UGT1A8: variants seen among roughly 807,000 people sequenced by gnomAD.
UGT1A8 encodes UDP glucuronosyltransferase family 1 member A8.
Under a neutral mutation model 45.3 loss-of-function variants are expected in UGT1A8, and 39 were observed. That is an observed-to-expected ratio of 0.86 (90% CI 0.67 to 1.12). The LOEUF (loss-of-function observed/expected upper bound fraction) is 1.12, where lower values mean the gene tolerates loss of function less well. UGT1A8 is among the 50% of genes most tolerant of loss of function. UGT1A8 has a pLI of 0.00. For missense variants in UGT1A8, 719 were observed against 664.9 expected (o/e 1.08, Z -0.90); for synonymous variants, 275 against 249.2 (o/e 1.10, Z -0.97).
At chr2:233,724,847 C>A (rs1352664169) in intron 1 of UGT1A8, among the ~76,000 whole-genome samples, 1 of 131,490 alleles carries the variant, frequency 7.6e-6, no homozygotes, top group African/African-American at 3.2e-5. Context: ...CCAAGGCAGG[C>A]GGCTGGGAGG....
chr2:233,759,150 A>G (rs1697070072), intron 1 of UGT1A8, among the ~76,000 whole-genome samples: 1 of 152,238 alleles, frequency 6.6e-6, no homozygotes. Flanking sequence ...GGTGAGTTCC[A>G]CAGAACACAA....
chr2:233,658,268 C>T (rs925501453), intron 1 of UGT1A8, among the ~76,000 whole-genome samples: 2 of 152,164 alleles, frequency 1.3e-5, no homozygotes, highest in African/African-American at 4.8e-5. Context: ...ACCCACGGAC[C>T]TTGGCCTCCC....
chr2:233,719,181 T>C (rs2076734729), intron 1 of UGT1A8: 4 of 1,614,240 alleles, frequency 2.5e-6, no homozygotes, highest in Non-Finnish European at 3.4e-6. Flanking sequence ...GAACAATGTA[T>C]CTTTGGCCCT....
At chr2:233,726,798 G>T (rs548256451) in intron 1 of UGT1A8, among the ~76,000 whole-genome samples, 1 of 152,228 alleles carries the variant, frequency 6.6e-6, no homozygotes, top group South Asian at 2.1e-4. Context: ...CTTATTCAAG[G>T]CTTGGAGGTT....
intron 1 of UGT1A8, among the ~76,000 whole-genome samples, chr2:233,642,809 C>G (rs1575395437): frequency 6.6e-6 from 1 of 152,200 alleles, no homozygotes; most frequent in East Asian, 1.9e-4. Flanking sequence ...ATCCAAGATA[C>G]TTCTCTGGAT....
intron 1 of UGT1A8, among the ~76,000 whole-genome samples, chr2:233,646,354 T>C (rs2073602936): frequency 6.6e-6 from 1 of 152,198 alleles, no homozygotes; most frequent in African/African-American, 2.4e-5. Context: ...AACATTCGGC[T>C]CCTCATTACT....
At chr2:233,667,980 G>T (rs764087939) in intron 1 of UGT1A8, among the ~76,000 whole-genome samples, 1 of 152,014 alleles carries the variant, frequency 6.6e-6, no homozygotes, top group Admixed American at 6.6e-5. Flanking sequence ...TTAAAGCAAG[G>T]GTGCAAAAAA....
At chr2:233,698,914 C>G (rs12471030) in intron 1 of UGT1A8, among the ~76,000 whole-genome samples, 1 of 152,110 alleles carries the variant, frequency 6.6e-6, no homozygotes, top group Admixed American at 6.5e-5. Flanking sequence ...CAAGGAGGGA[C>G]GTGGCCGTCT....
Position 233,641,616 on chromosome 2 carries a change from G to C in UGT1A8, c.855+23054G>C, listed in dbSNP as rs188908446. ...ATTACCAGTGAGTTTTGTACCTTCA[G>C]ATGATTTCTTCTTGCTCATGAGCTT... On this transcript the variant is annotated intron_variant, in intron 1 of 4. Transcript: ENST00000373450. 7.9e-5 allele frequency among the ~76,000 whole-genome samples: 12 copies of C among 152,282 alleles called. No homozygotes were observed. In the East Asian group the frequency reaches 1.9e-3, roughly 25 times the overall value.
chr2:233,772,294 T>G lies in UGT1A8; in HGVS notation c.1328T>G (p.Leu443Arg). 6.2e-7 allele frequency: 1 copy of G among 1,614,228 alleles called. No individual in the cohort carries two copies. The highest frequency in any genetic ancestry group is 8.5e-7 in the Non-Finnish European group (1 of 1,180,042). The change falls in exon 5 of 5, where the codon CTT (leucine) becomes CGT (arginine). Residue 443 changes from leucine (L) to arginine (R), a missense_variant. By Grantham distance (102) the Leu-to-Arg change is moderately radical. Coordinates refer to ENST00000373450, the MANE Select transcript of UGT1A8 (RefSeq NM_019076.5). Reference protein sequence around the residue: ...YKENIMRLSSLHKDRPVEPLD... With the variant: ...YKENIMRLSSRHKDRPVEPLD... ...GAGAACATCATGCGCCTCTCCAGCC[T>G]TCACAAGGACCGCCCGGTGGAGCCG...
chr2:233,729,479 A>G, intron 1 of UGT1A8: 2 of 1,614,240 alleles, frequency 1.2e-6, no homozygotes, highest in Non-Finnish European at 1.7e-6. Context: ...GCAATGTTGA[A>G]CAATATGTCT....
chr2:233,741,619 C>T (rs901623616), intron 1 of UGT1A8: 6 of 151,836 alleles, frequency 4.0e-5, no homozygotes. Flanking sequence ...AGTGTCAGAC[C>T]CCATGAGCCC....
chr2:233,724,157 G>A (rs1410071236), intron 1 of UGT1A8, among the ~76,000 whole-genome samples: 2 of 119,956 alleles, frequency 1.7e-5, no homozygotes, highest in African/African-American at 7.4e-5. Flanking sequence ...GCCGGGTGGG[G>A]GGGCTGACCC....
At chr2:233,633,473 G>C (rs1156592943) in intron 1 of UGT1A8, among the ~76,000 whole-genome samples, 1 of 152,134 alleles carries the variant, frequency 6.6e-6, no homozygotes, top group African/African-American at 2.4e-5. Context: ...ATTAATTACT[G>C]CCTCAATTTC....
At chr2:233,754,113 C>T (rs1185376783) in intron 1 of UGT1A8, among the ~76,000 whole-genome samples, 1 of 152,168 alleles carries the variant, frequency 6.6e-6, no homozygotes, top group Non-Finnish European at 1.5e-5. Flanking sequence ...TCCTACATCA[C>T]GAGCATTTAT....
At chr2:233,623,605 C>T (rs1370230862) in intron 1 of UGT1A8, among the ~76,000 whole-genome samples, 3 of 152,130 alleles carry the variant, frequency 2.0e-5, no homozygotes. Flanking sequence ...ATATCATTAT[C>T]ATATCTATGA....
At chr2:233,742,280 A>G (rs1486280024) in intron 1 of UGT1A8, among the ~76,000 whole-genome samples, 2 of 152,020 alleles carry the variant, frequency 1.3e-5, no homozygotes, top group Non-Finnish European at 2.9e-5. Flanking sequence ...GATAAGCATC[A>G]TTTCTATAGA....
intron 1 of UGT1A8, among the ~76,000 whole-genome samples, chr2:233,623,690 T>C (rs1481877670): frequency 1.3e-5 from 2 of 152,142 alleles, no homozygotes; most frequent in Admixed American, 6.6e-5. Context: ...ACAACATCTT[T>C]CCATGTAGAT....
Position 233,710,338 on chromosome 2 carries a change from C to T in UGT1A8, c.856-56696C>T, listed in dbSNP as rs976362588. On this transcript the variant is annotated intron_variant, in intron 1 of 4. Coordinates refer to ENST00000373450, the MANE Select transcript of UGT1A8 (RefSeq NM_019076.5). ...TATGTATGACTTCATAAGAAACAGT[C>T]GAACTGTTTCCAAAGCAGTTATACA... 2.6e-5 allele frequency among the ~76,000 whole-genome samples: 4 copies of T among 152,160 alleles called. No homozygotes were observed. The South Asian group carries it at 6.2e-4, about 24-fold the overall frequency.
Sources: gnomAD v4.1 joint callset for allele counts (sites outside exome capture counted in the v4.1 genomes callset) on GRCh38, gnomAD v4.1.1 for gene constraint, MANE v1.5 for transcripts, NCBI Gene and HGNC (gene_info 2026-07-23, HGNC 2026-07-21) for gene names.